Variants in NRXN1 observed in about 807,000 individuals in gnomAD.
NRXN1 encodes the protein neurexin 1.
A neutral mutation model predicts 150.9 loss-of-function variants in NRXN1; 39 were observed. The observed-to-expected ratio is 0.26, with a 90% CI of 0.20 to 0.34. The LOEUF (loss-of-function observed/expected upper bound fraction) is 0.34. Among genes scored for constraint, NRXN1 ranks in the 10% least tolerant of loss-of-function variants. The pLI is 1.00. For synonymous variants in NRXN1, 924 were observed against 757.0 expected (o/e 1.22, Z -3.62); for missense variants, 1,815 against 1,949.9 (o/e 0.93, Z 1.30).
At chr2:50,751,922 T>A (rs1263887244) in intron 5 of NRXN1, among the ~76,000 whole-genome samples, 1 of 151,914 alleles carries the variant, frequency 6.6e-6, no homozygotes, top group Non-Finnish European at 1.5e-5. Flanking sequence ...CCACTGTGTA[T>A]CACCTAGCAC....
intron 5 of NRXN1, among the ~76,000 whole-genome samples, chr2:50,628,759 C>G (rs1178341757): frequency 2.0e-5 from 3 of 151,384 alleles, no homozygotes; most frequent in Non-Finnish European, 3.0e-5. Context: ...CCCAAAGCCA[C>G]GTAAATGTCA....
intron 17 of NRXN1, among the ~76,000 whole-genome samples, chr2:50,304,804 T>C (rs2152957521): frequency 6.6e-6 from 1 of 152,160 alleles, no homozygotes; most frequent in Non-Finnish European, 1.5e-5. Context: ...ATAAAGGTAC[T>C]CACTGAGACC....
intron 18 of NRXN1, among the ~76,000 whole-genome samples, chr2:50,229,695 T>C (rs145914774): frequency 1.3e-5 from 2 of 152,120 alleles, no homozygotes; most frequent in Admixed American, 6.6e-5. Flanking sequence ...TTTGCTCTTT[T>C]AAGCTTCTAA....
At chr2:50,291,633 A>T (rs997069742) in intron 17 of NRXN1, among the ~76,000 whole-genome samples, 4 of 152,128 alleles carry the variant, frequency 2.6e-5, no homozygotes, top group Non-Finnish European at 5.9e-5. Flanking sequence ...AGCCTGCCGA[A>T]TTTTCAGGAG....
At chr2:50,839,629 A>T (rs1019260617) in intron 5 of NRXN1, among the ~76,000 whole-genome samples, 2 of 152,156 alleles carry the variant, frequency 1.3e-5, no homozygotes, top group African/African-American at 2.4e-5. Context: ...TCCATAAAGG[A>T]TGAATAATAC....
chr2:50,127,961 C>T (rs1421639381), intron 18 of NRXN1, among the ~76,000 whole-genome samples: 2 of 152,192 alleles, frequency 1.3e-5, no homozygotes, highest in Admixed American at 6.6e-5. Context: ...AAACAACTTT[C>T]CTTGATTTTA....
Position 50,230,626 on chromosome 2 carries a change from G to C in NRXN1, c.3546+6163C>G, listed in dbSNP as rs562961498. 3.3e-5 allele frequency among the ~76,000 whole-genome samples: 5 copies of C among 152,112 alleles called. No individual in the cohort carries two copies. In the South Asian group the frequency reaches 1.0e-3, roughly 32 times the overall value. On this transcript the variant is annotated intron_variant, in intron 18 of 22. Transcript: ENST00000401669. ...GTGAACCGAGAAGAAGCTAGAAATA[G>C]CTGTTTTGTTCTCATTTCTTAAATT...
In NRXN1 at chr2:50,871,005, T is replaced by C. The variant is rs574378597; in HGVS notation, c.832+50864A>G. On this transcript the variant is annotated intron_variant, in intron 5 of 22. Transcript: ENST00000401669. ...AAAGTACATTCTGAACATATGTGCA[T>C]TGTAAAAGTGTTAATCACATTTTAT... 9.2e-5 allele frequency among the ~76,000 whole-genome samples: 14 copies of C among 152,066 alleles called. 1 individual carries two copies. Among genetic ancestry groups the C allele is most frequent in the South Asian group, 6.2e-4 (3 of 4,830 alleles).
chr2:50,033,587 A>G (rs928869973), intron 21 of NRXN1, among the ~76,000 whole-genome samples: 1 of 152,140 alleles, frequency 6.6e-6, no homozygotes, highest in African/African-American at 2.4e-5. Context: ...CATGATAAAG[A>G]CACCAAAAGC....
intron 5 of NRXN1, among the ~76,000 whole-genome samples, chr2:50,735,153 G>A (rs1170665011): frequency 2.0e-5 from 3 of 152,012 alleles, no homozygotes; most frequent in Non-Finnish European, 4.4e-5. Context: ...TTCGTTTATT[G>A]CCAATCTTAA....
At chr2:50,780,907 A>C (rs897310401) in intron 5 of NRXN1, among the ~76,000 whole-genome samples, 4 of 152,188 alleles carry the variant, frequency 2.6e-5, no homozygotes, top group African/African-American at 9.7e-5. Flanking sequence ...ATACTACACT[A>C]GGACACATTC....
chr2:50,192,776 T>G (rs913497271), intron 18 of NRXN1, among the ~76,000 whole-genome samples: 1 of 152,054 alleles, frequency 6.6e-6, no homozygotes. Flanking sequence ...CCGGCTAATT[T>G]TTTTGTATTT....
intron 21 of NRXN1, among the ~76,000 whole-genome samples, chr2:50,048,141 C>A (rs756315509): frequency 2.8e-4 from 43 of 152,120 alleles, no homozygotes; most frequent in Non-Finnish European, 5.1e-4. Context: ...GTTGCTTACA[C>A]GCATTTAAAA....
chr2:50,944,049 C>T (rs2104516386), intron 2 of NRXN1, among the ~76,000 whole-genome samples: 1 of 152,216 alleles, frequency 6.6e-6, no homozygotes, highest in South Asian at 2.1e-4. Context: ...ATATGCAGGG[C>T]TTGGTTGTTT....
chr2:50,936,945 T>G (rs979940296), intron 2 of NRXN1, among the ~76,000 whole-genome samples: 1 of 152,144 alleles, frequency 6.6e-6, no homozygotes, highest in African/African-American at 2.4e-5. Flanking sequence ...TCTAGGCATT[T>G]CTTACCAATA....
At chr2:50,544,333 A>C (rs2093449175) in intron 9 of NRXN1, among the ~76,000 whole-genome samples, 1 of 152,068 alleles carries the variant, frequency 6.6e-6, no homozygotes, top group South Asian at 2.1e-4. Context: ...ACATATTAAG[A>C]GTGGGTATTT....
At chr2:50,807,859 C>A (rs1334615645) in intron 5 of NRXN1, among the ~76,000 whole-genome samples, 3 of 152,088 alleles carry the variant, frequency 2.0e-5, no homozygotes, top group Non-Finnish European at 1.5e-5. Flanking sequence ...ATCGTAGATA[C>A]AATTGTCACC....
intron 12 of NRXN1, among the ~76,000 whole-genome samples, chr2:50,528,325 C>A (rs375557513): frequency 6.6e-6 from 1 of 151,792 alleles, no homozygotes; most frequent in Non-Finnish European, 1.5e-5. Flanking sequence ...ATGAAGAGAA[C>A]AACTGGAGTC....
intron 2 of NRXN1, among the ~76,000 whole-genome samples, chr2:51,018,726 T>C (rs1669126300): frequency 6.6e-6 from 1 of 152,132 alleles, no homozygotes; most frequent in South Asian, 2.1e-4. Flanking sequence ...CCACAGAGGT[T>C]GATATTTTCA....
Sources: allele counts gnomAD v4.1 joint callset (sites outside exome capture counted in the v4.1 genomes callset), GRCh38; gene constraint gnomAD v4.1.1; transcripts MANE v1.5; gene names NCBI Gene and HGNC (gene_info 2026-07-23, HGNC 2026-07-21).